Variants in DLG2 observed in about 807,000 individuals in gnomAD.
DLG2 encodes the protein discs large MAGUK scaffold protein 2.
DLG2 carries 45 observed loss-of-function variants against 132.5 expected under a neutral mutation model. The observed-to-expected ratio is 0.34, with a 90% confidence interval of 0.27 to 0.44. The LOEUF (loss-of-function observed/expected upper bound fraction) is 0.44. DLG2 is among the 20% of genes least tolerant of loss of function. The pLI is 1.00. For synonymous variants in DLG2, 424 were observed against 419.6 expected, an observed-to-expected ratio of 1.01 and a Z score of -0.13; for missense variants, 1,045 against 1,196.9, an observed-to-expected ratio of 0.87 and a Z score of 1.87.
At chr11:84,579,321 A>G (rs750696243) in intron 6 of DLG2, among the ~76,000 whole-genome samples, 3 of 152,042 alleles carry the variant, frequency 2.0e-5, no homozygotes, top group Non-Finnish European at 4.4e-5. Context: ...GACCTTAGCC[A>G]ATTGCACTTT....
chr11:84,114,662 C>T (rs2093542912), intron 9 of DLG2, among the ~76,000 whole-genome samples: 1 of 152,106 alleles, frequency 6.6e-6, no homozygotes, highest in African/African-American at 2.4e-5. Flanking sequence ...ACCCAGGTTT[C>T]CTACTGCCTC....
intron 6 of DLG2, among the ~76,000 whole-genome samples, chr11:84,862,768 A>G (rs2083917944): frequency 7.2e-6 from 1 of 138,440 alleles, no homozygotes; most frequent in Non-Finnish European, 1.5e-5. Context: ...GAGCTGAAAA[A>G]TGAGAACACA....
intron 7 of DLG2, among the ~76,000 whole-genome samples, chr11:84,524,688 C>CT (rs1391113878): frequency 6.6e-6 from 1 of 152,094 alleles, no homozygotes; most frequent in Admixed American, 6.5e-5. Context: ...GGATTTTACA[C>CT]TTTTAAAGAT....
At chr11:84,008,890 C>T (rs2094719916) in intron 11 of DLG2, among the ~76,000 whole-genome samples, 1 of 150,570 alleles carries the variant, frequency 6.6e-6, no homozygotes, top group Non-Finnish European at 1.5e-5. Flanking sequence ...GCAGTTACAT[C>T]TAGTGTCTGT....
At chr11:85,240,017 A>G (rs1420895406) in intron 4 of DLG2, among the ~76,000 whole-genome samples, 2 of 151,914 alleles carry the variant, frequency 1.3e-5, no homozygotes, top group Admixed American at 6.6e-5. Context: ...TTCCATCAAC[A>G]ATATATAAAA....
intron 4 of DLG2, among the ~76,000 whole-genome samples, chr11:85,159,110 G>C (rs2077831928): frequency 6.6e-6 from 1 of 152,140 alleles, no homozygotes; most frequent in South Asian, 2.1e-4. Context: ...CTGGGGAAAG[G>C]AAAATGTTCA....
At chr11:83,947,953 T>C (rs1333051366) in intron 14 of DLG2, among the ~76,000 whole-genome samples, 1 of 152,208 alleles carries the variant, frequency 6.6e-6, no homozygotes, top group Non-Finnish European at 1.5e-5. Flanking sequence ...CCGTCCATTT[T>C]GTATAAAGTC....
chr11:84,130,509 C>T (rs1371557297), intron 9 of DLG2, among the ~76,000 whole-genome samples: 2,184 of 112,284 alleles, frequency 0.019, 53 homozygotes, highest in African/African-American at 0.081. Flanking sequence ...TATATATACA[C>T]ACACACACAC....
chr11:85,385,078 T>G (rs2086216956), intron 3 of DLG2, among the ~76,000 whole-genome samples: 1 of 152,242 alleles, frequency 6.6e-6, no homozygotes, highest in African/African-American at 2.4e-5. Flanking sequence ...TAATGAGAAC[T>G]AATTCTTTGA....
At chr11:84,664,052 A>G (rs758605827) in intron 6 of DLG2, among the ~76,000 whole-genome samples, 6 of 152,206 alleles carry the variant, frequency 3.9e-5, no homozygotes, top group South Asian at 2.1e-4. Context: ...GCAGAACAAC[A>G]ACGACTATTT....
intron 7 of DLG2, among the ~76,000 whole-genome samples, chr11:84,433,821 A>G (rs916967274): frequency 1.3e-5 from 2 of 152,196 alleles, no homozygotes; most frequent in African/African-American, 4.8e-5. Flanking sequence ...AGCTATTCAA[A>G]TAGAATAATA....
chr11:83,694,818 A>G (rs972356069), intron 18 of DLG2, among the ~76,000 whole-genome samples: 2 of 152,204 alleles, frequency 1.3e-5, no homozygotes, highest in African/African-American at 2.4e-5. Context: ...CTGAAAATCT[A>G]CTCCACGATG....
intron 9 of DLG2, among the ~76,000 whole-genome samples, chr11:84,110,464 T>G (rs2093279273): frequency 6.6e-6 from 1 of 152,182 alleles, no homozygotes; most frequent in African/African-American, 2.4e-5. Context: ...GTCCAAGTCC[T>G]CTGAGAAGCA....
chr11:85,552,012 AG>A (rs2076692629), intron 3 of DLG2, among the ~76,000 whole-genome samples: 1 of 151,436 alleles, frequency 6.6e-6, no homozygotes, highest in African/African-American at 2.4e-5. Flanking sequence ...TTTAATGGTA[AG>A]CAGGAACTGA....
chr11:84,673,601 T>TA (rs545722898), intron 6 of DLG2, among the ~76,000 whole-genome samples: 4,715 of 120,240 alleles, frequency 0.039, 251 homozygotes, highest in African/African-American at 0.12. Flanking sequence ...CCCTAGAATC[T>TA]AAAAAAAAAA....
At chr11:83,926,654 G>T (rs1462323998) in intron 15 of DLG2, among the ~76,000 whole-genome samples, 1 of 151,994 alleles carries the variant, frequency 6.6e-6, no homozygotes, top group East Asian at 1.9e-4. Flanking sequence ...TAACCATGAG[G>T]TGTAATAAGA....
chr11:84,580,259 T>G (rs902197901), intron 6 of DLG2, among the ~76,000 whole-genome samples: 32 of 152,094 alleles, frequency 2.1e-4, no homozygotes, highest in African/African-American at 7.5e-4. Context: ...ATGATTAAGA[T>G]ATGGAGAAAA....
At chr11:84,671,042 T>G (rs1390471783) in intron 6 of DLG2, among the ~76,000 whole-genome samples, 2 of 151,976 alleles carry the variant, frequency 1.3e-5, no homozygotes, top group African/African-American at 4.8e-5. Flanking sequence ...AAGGGTTACA[T>G]CCGGCAGCCT....
chr11:85,514,066 T>C (rs180931639), intron 3 of DLG2, among the ~76,000 whole-genome samples: 2 of 152,094 alleles, frequency 1.3e-5, no homozygotes, highest in East Asian at 3.9e-4. Context: ...TTCAGACCCT[T>C]GCAGAGTAAT....
Sources: gnomAD v4.1 joint callset for allele counts (sites outside exome capture counted in the v4.1 genomes callset) on GRCh38, gnomAD v4.1.1 for gene constraint, MANE v1.5 for transcripts, NCBI Gene and HGNC (gene_info 2026-07-23, HGNC 2026-07-21) for gene names.